The following SEPSECS variants were observed in gnomAD, a reference collection of about 807,000 sequenced individuals.
SEPSECS encodes O-phosphoseryl-tRNA(Sec) selenium transferase.
A neutral mutation model predicts 52.1 loss-of-function variants in SEPSECS; 42 were observed. The observed-to-expected ratio is 0.81, with a 90% CI of 0.63 to 1.04. SEPSECS has a LOEUF of 1.04. Among genes scored for constraint, SEPSECS ranks in the 50% least tolerant of loss-of-function variants. The pLI is 0.00. For missense variants in SEPSECS, 590 were observed against 610.6 expected, an observed-to-expected ratio of 0.97 and a Z score of 0.36; for synonymous variants, 216 against 211.4, an observed-to-expected ratio of 1.02 and a Z score of -0.19.
At chr4:25,159,759 G>C (rs979652926) in intron 1 of SEPSECS, 1 of 1,041,826 alleles carries the variant, frequency 9.6e-7, no homozygotes. Context: ...GCGAAAGAGC[G>C]AGACTCTGTT....
intron 10 of SEPSECS, 75 bp downstream of exon 10, chr4:25,125,619 T>C: frequency 2.2e-6 from 2 of 892,800 alleles, no homozygotes; most frequent in South Asian, 1.4e-5. Context: ...GGGGGACTAT[T>C]GTTGAGGAAA....
rs1046581992 is a variant in SEPSECS at position 25,159,904 on chromosome 4, C to T, written c.114+352G>A. 9.3e-6 allele frequency: 11 copies of T among 1,178,706 alleles called. No homozygotes were observed. The African/African-American group carries it at 1.3e-4, about 14-fold the overall frequency. 73.0% of individuals were successfully genotyped at this position (1,178,706 alleles called of 1,614,324 possible). ...CAGTCTACAAACACCATTATGTGTT[C>T]TGAGTCGTTGAGGGTTGGTGAAAGA... is the stretch of plus-strand genomic sequence containing the variant. On this transcript the variant is annotated intron_variant, in intron 1 of 10. Transcript: ENST00000382103.
chr4:25,129,642 C>T (rs997585732), intron 8 of SEPSECS, among the ~76,000 whole-genome samples: 3 of 151,796 alleles, frequency 2.0e-5, no homozygotes, highest in Admixed American at 6.6e-5. Flanking sequence ...CCACCCGCCT[C>T]GGCCTCCCAA....
chr4:25,124,147 A>G lies in SEPSECS; in HGVS notation c.1290T>C (p.Pro430=), dbSNP rs1577598026. 1.9e-6 allele frequency: 3 copies of G among 1,613,724 alleles called. No homozygotes were observed. The highest frequency in any genetic ancestry group is 1.1e-5 in the South Asian group (1 of 91,056). ...RGFMSHTNNY[P]CAYLNAASAI... ...CTGATGCAGCATTGAGGTAAGCACA[A>G]GGGTAATTATTTGTATGTGACATAA... is the stretch of plus-strand genomic sequence containing the variant. The change falls in exon 11 of 11, where the codon CCT becomes CCC. Residue 430 remains proline (P), a synonymous_variant. Transcript: ENST00000382103.
chr4:25,143,285 G>A, intron 8 of SEPSECS, among the ~76,000 whole-genome samples: 1 of 152,142 alleles, frequency 6.6e-6, no homozygotes, highest in Non-Finnish European at 1.5e-5. Context: ...AATATATACA[G>A]TCATGAAACC....
At chr4:25,153,186 T>A (rs1425311520) in intron 5 of SEPSECS, among the ~76,000 whole-genome samples, 1 of 151,942 alleles carries the variant, frequency 6.6e-6, no homozygotes, top group Admixed American at 6.5e-5. Flanking sequence ...ATAGACATCC[T>A]TTTTGTTACT....
intron 6 of SEPSECS, among the ~76,000 whole-genome samples, chr4:25,151,310 G>A (rs936987572): frequency 5.9e-5 from 9 of 152,128 alleles, no homozygotes; most frequent in African/African-American, 2.2e-4. Context: ...GTGCAGGCAC[G>A]TGACAAAATG....
intron 5 of SEPSECS, among the ~76,000 whole-genome samples, chr4:25,153,138 C>G (rs1280551616): frequency 6.6e-6 from 1 of 151,836 alleles, no homozygotes; most frequent in Non-Finnish European, 1.5e-5. Context: ...ATTAAAAACT[C>G]ATTTTATCAT....
At chr4:25,160,204 A>G (rs1380302191) in intron 1 of SEPSECS, 52 bp downstream of exon 1, 5 of 1,545,082 alleles carry the variant, frequency 3.2e-6, no homozygotes, top group East Asian at 4.9e-5. Context: ...CGCCCGGCGG[A>G]GCCAGAGCCC....
At chr4:25,160,502 A>C, upstream of SEPSECS, 21 of 679,336 alleles carry the variant, frequency 3.1e-5, no homozygotes, top group Non-Finnish European at 4.0e-5. Flanking sequence ...ACAAAACAAA[A>C]CAAAACAAAA....
chr4:25,148,894 A>G (rs1712147254), intron 6 of SEPSECS, among the ~76,000 whole-genome samples: 1 of 152,208 alleles, frequency 6.6e-6, no homozygotes, highest in Non-Finnish European at 1.5e-5. Flanking sequence ...AGAAGGTAAT[A>G]CATTATCTGC....
At chr4:25,150,385 C>T (rs1294206939) in intron 6 of SEPSECS, among the ~76,000 whole-genome samples, 1 of 152,118 alleles carries the variant, frequency 6.6e-6, no homozygotes, top group Non-Finnish European at 1.5e-5. Context: ...TATTAATTGT[C>T]CATTACGTAC....
chr4:25,157,713 T>C (rs965626993), intron 2 of SEPSECS, among the ~76,000 whole-genome samples: 5 of 151,876 alleles, frequency 3.3e-5, no homozygotes, highest in Non-Finnish European at 4.4e-5. Context: ...CCCGGCTAAT[T>C]TTTTTGTATT....
rs58890841 is a variant in SEPSECS at position 25,127,160 on chromosome 4, A to G, written c.1120+104T>C. 3.2e-3 allele frequency: 2,333 copies of G among 725,016 alleles called. 21 individuals carry two copies. The highest frequency in any genetic ancestry group is 0.026 in the African/African-American group (1,447 of 55,644). The allele number at this position is 725,016 out of a possible 1,614,324, so 44.9% of individuals were successfully genotyped here. A position where few individuals can be genotyped will look rare whatever the true frequency, so the allele number is the denominator to read the frequency against. On this transcript the variant is annotated intron_variant, in intron 9 of 10. Transcript: ENST00000382103. The stretch of plus-strand genomic sequence containing the variant: ...ATTAAAATACTGTGATGAATTTATA[A>G]ATATCATTATAACTAGAAAGAGTTT...
intron 4 of SEPSECS, 149 bp from the exon 5 acceptor site, chr4:25,155,300 G>T: frequency 1.2e-6 from 1 of 813,452 alleles, no homozygotes; most frequent in Non-Finnish European, 2.0e-6. Context: ...ACACGGCTCA[G>T]TACTGGTATT....
intron 8 of SEPSECS, among the ~76,000 whole-genome samples, chr4:25,140,895 C>T (rs1007299157): frequency 6.9e-5 from 10 of 143,918 alleles, no homozygotes; most frequent in Admixed American, 3.6e-4. Flanking sequence ...ACAGCTTCAA[C>T]CAAGTGTGGA....
In SEPSECS at chr4:25,144,849, T is replaced by G; in HGVS notation, c.951A>C (p.Ser317=). The G allele has an allele frequency of 6.2e-7, 1 of 1,612,572 alleles. No individual in the cohort carries two copies. The highest frequency in any genetic ancestry group is 8.5e-7 in the Non-Finnish European group (1 of 1,178,792). ...SKMYPGRASA[S]PSLDVLITLL... ...AAGTAATAAGGACATCTAAAGAAGG[T>G]GAAGCTGAAGCTCTTCCTGAAATAA... The change falls in exon 8 of 11, where the codon TCA becomes TCC. Residue 317 remains serine (S), a synonymous_variant. Coordinates refer to ENST00000382103, the MANE Select transcript of SEPSECS (RefSeq NM_016955.4).
intron 6 of SEPSECS, among the ~76,000 whole-genome samples, chr4:25,147,633 A>G (rs901243802): frequency 6.6e-5 from 10 of 152,180 alleles, no homozygotes; most frequent in Non-Finnish European, 8.8e-5. Flanking sequence ...TAAATTCGTC[A>G]TTTTAGTAAA....
At position 25,145,215 on chromosome 4, in the gene SEPSECS, T is replaced by A. The variant is rs542485634; in HGVS notation, c.805-82A>T. ...ACAAACAAATACCACAACAAAAAAT[T>A]ATAACTATTTGAGTTAATTAATATA... On this transcript the variant is annotated intron_variant, in intron 6 of 10. Coordinates refer to ENST00000382103, the MANE Select transcript of SEPSECS (RefSeq NM_016955.4). 3.6e-5 allele frequency: 50 copies of A among 1,406,462 alleles called. No individual in the cohort carries two copies. In the African/African-American group the frequency reaches 6.3e-4, roughly 18 times the overall value. 87.1% of individuals were successfully genotyped at this position (1,406,462 alleles called of 1,614,324 possible).
Sources: gnomAD v4.1 joint callset for allele counts (sites outside exome capture counted in the v4.1 genomes callset) on GRCh38, gnomAD v4.1.1 for gene constraint, MANE v1.5 for transcripts, NCBI Gene and HGNC (gene_info 2026-07-23, HGNC 2026-07-21) for gene names.